Variants in NPAS3 observed in about 807,000 individuals in gnomAD.
NPAS3 encodes the protein neuronal PAS domain-containing protein 3.
In NPAS3, 14 loss-of-function variants were observed where a neutral mutation model predicts 73.1. The observed-to-expected ratio is 0.19, with a 90% CI of 0.13 to 0.30. The LOEUF is 0.30. Among genes scored for constraint, NPAS3 ranks in the 10% least tolerant of loss-of-function variants. NPAS3 has a pLI of 1.00. For missense variants in NPAS3, 1,096 were observed against 1,250.0 expected (o/e 0.88, Z 1.86); for synonymous variants, 620 against 541.5 (o/e 1.14, Z -2.01).
intron 3 of NPAS3, among the ~76,000 whole-genome samples, chr14:33,333,767 A>G (rs2140285562): frequency 6.6e-6 from 1 of 152,322 alleles, no homozygotes; most frequent in Non-Finnish European, 1.5e-5. Flanking sequence ...TAGATGTGAC[A>G]TAACTAAATC....
chr14:33,708,545 G>C (rs574061590), intron 6 of NPAS3, among the ~76,000 whole-genome samples: 34 of 152,268 alleles, frequency 2.2e-4, no homozygotes, highest in Admixed American at 2.0e-3. Flanking sequence ...GGTTAATTGT[G>C]GGGAGCCCAG....
intron 1 of NPAS3, among the ~76,000 whole-genome samples, chr14:32,969,674 C>A (rs1253170830): frequency 6.6e-6 from 1 of 152,118 alleles, no homozygotes; most frequent in African/African-American, 2.4e-5. Flanking sequence ...GTCCACTGTG[C>A]CACTTCTGAA....
At chr14:33,574,328 G>T (rs548378161) in intron 5 of NPAS3, among the ~76,000 whole-genome samples, 22 of 152,240 alleles carry the variant, frequency 1.4e-4, no homozygotes, top group Admixed American at 7.2e-4. Flanking sequence ...CTGAGAAGTT[G>T]TCATTAGGAA....
At chr14:33,797,421 G>A (rs760853782) in intron 10 of NPAS3, 36 bp from the exon 11 acceptor site, 9 of 1,608,618 alleles carry the variant, frequency 5.6e-6, no homozygotes, top group Admixed American at 3.4e-5. Context: ...TGCAGAATGG[G>A]TGTCTGCACT....
chr14:33,667,803 T>A (rs1275605450), intron 5 of NPAS3, among the ~76,000 whole-genome samples: 1 of 152,224 alleles, frequency 6.6e-6, no homozygotes, highest in East Asian at 1.9e-4. Flanking sequence ...TTGTTCCTTC[T>A]TGTTCTCCTA....
In NPAS3 at chr14:33,353,542, T is replaced by G. The variant is rs1327830592; in HGVS notation, c.386-13644T>G. On this transcript the variant is annotated intron_variant, in intron 3 of 11. Coordinates refer to ENST00000356141, the Ensembl canonical transcript of NPAS3. Reference sequence around the variant, plus strand: ...ACATTTTTATTGATGAGCAAAGTGATGGATAGTATTGGTAGCATGAAGTAA... The same window carrying G: ...ACATTTTTATTGATGAGCAAAGTGAGGGATAGTATTGGTAGCATGAAGTAA... 2.0e-5 allele frequency among the ~76,000 whole-genome samples: 3 copies of G among 152,198 alleles called. No homozygotes were observed. The East Asian group carries it at 5.8e-4, about 29-fold the overall frequency.
chr14:33,761,271 C>G (rs1218628624), intron 7 of NPAS3, among the ~76,000 whole-genome samples: 16 of 152,056 alleles, frequency 1.1e-4, no homozygotes, highest in Admixed American at 1.0e-3. Flanking sequence ...CTCACTAAGC[C>G]TTTACACTGG....
At chr14:33,022,570 C>A (rs1048733082) in intron 1 of NPAS3, among the ~76,000 whole-genome samples, 1 of 148,006 alleles carries the variant, frequency 6.8e-6, no homozygotes, top group Non-Finnish European at 1.5e-5. Context: ...GAGGCTGAGG[C>A]AGGAGAATGG....
intron 2 of NPAS3, among the ~76,000 whole-genome samples, chr14:33,178,519 T>TA (rs2139425313): frequency 6.6e-6 from 1 of 152,338 alleles, no homozygotes; most frequent in Admixed American, 6.5e-5. Context: ...AGCAATATTT[T>TA]ATAGTTTTCA....
chr14:33,449,030 C>G (rs1373319965), intron 4 of NPAS3, among the ~76,000 whole-genome samples: 2 of 152,114 alleles, frequency 1.3e-5, no homozygotes, highest in Non-Finnish European at 2.9e-5. Flanking sequence ...AGGGATTTTT[C>G]AAAAAGAATC....
chr14:33,752,725 C>T (rs996810660), intron 7 of NPAS3, among the ~76,000 whole-genome samples: 2 of 152,184 alleles, frequency 1.3e-5, no homozygotes, highest in Non-Finnish European at 2.9e-5. Context: ...TGTATCAGCC[C>T]TTCTCCGTCA....
chr14:33,335,341 A>G (rs2044177119), intron 3 of NPAS3, among the ~76,000 whole-genome samples: 2 of 152,168 alleles, frequency 1.3e-5, no homozygotes, highest in Admixed American at 1.3e-4. Context: ...TTCAGGGGTC[A>G]AATGACTGCC....
At chr14:33,085,610 C>A (rs191284600) in intron 2 of NPAS3, among the ~76,000 whole-genome samples, 4 of 152,220 alleles carry the variant, frequency 2.6e-5, no homozygotes, top group Admixed American at 2.0e-4. Context: ...CAAGCTGAGC[C>A]CCCCCAACAC....
At chr14:33,684,596 C>A (rs946775627) in intron 6 of NPAS3, among the ~76,000 whole-genome samples, 1 of 152,190 alleles carries the variant, frequency 6.6e-6, no homozygotes, top group Non-Finnish European at 1.5e-5. Flanking sequence ...CCACACCCAG[C>A]CTCTTTGCTC....
At chr14:33,225,643 G>T (rs2047602430) in intron 3 of NPAS3, among the ~76,000 whole-genome samples, 1 of 152,090 alleles carries the variant, frequency 6.6e-6, no homozygotes, top group African/African-American at 2.4e-5. Flanking sequence ...ATCAAATTAT[G>T]ACATGTCATG....
rs2045660448 is a variant in NPAS3 at position 33,178,085 on chromosome 14, T to TG, written c.141-37097_141-37096insG. ...ATTGAAGTGAATTTTTTTTGTTTTT[T>TG]TTTTTTTGGAGACAGAGTCTTGCTC... On this transcript the variant is annotated intron_variant, in intron 2 of 11. Coordinates refer to ENST00000356141, the Ensembl canonical transcript of NPAS3. Among the ~76,000 whole-genome samples the TG allele has an allele frequency of 6.0e-5, 9 of 149,150 alleles. No homozygotes were observed. The South Asian group carries it at 2.0e-3, about 33-fold the overall frequency.
chr14:33,755,955 G>A (rs1048015369), intron 7 of NPAS3, among the ~76,000 whole-genome samples: 3 of 152,050 alleles, frequency 2.0e-5, no homozygotes, highest in African/African-American at 4.8e-5. Context: ...CTAACAGAGT[G>A]AGAACTCACT....
chr14:32,952,065 T>C (rs1436467650), intron 1 of NPAS3, among the ~76,000 whole-genome samples: 1 of 152,064 alleles, frequency 6.6e-6, no homozygotes, highest in Admixed American at 6.6e-5. Flanking sequence ...GATTAACTTT[T>C]TTGCTTAATT....
At chr14:33,215,308 C>T in exon 3 of NPAS3, 1 of 1,563,536 alleles carries the variant, frequency 6.4e-7, no homozygotes, top group African/African-American at 1.4e-5. Context: ...GCCAGCTCGA[C>T]AAGGCATCCA....
Sources: allele counts gnomAD v4.1 joint callset (sites outside exome capture counted in the v4.1 genomes callset), GRCh38; gene constraint gnomAD v4.1.1; transcripts MANE v1.5; gene names NCBI Gene and HGNC (gene_info 2026-07-23, HGNC 2026-07-21).